Variants in GALNT17 observed in about 807,000 individuals in gnomAD.
GALNT17 encodes UDP-GalNAc:polypeptide N-acetylgalactosaminyltransferase-like 3.
Under a neutral mutation model 63.7 loss-of-function variants are expected in GALNT17, and 29 were observed. The observed-to-expected ratio is 0.46, with a 90% CI of 0.34 to 0.62. The LOEUF is 0.62. Among genes scored for constraint, GALNT17 ranks in the 20% least tolerant of loss-of-function variants. The pLI, the probability that GALNT17 is intolerant of heterozygous loss-of-function variation, is 0.01. For missense variants in GALNT17, 603 were observed against 799.6 expected, an observed-to-expected ratio of 0.75 and a Z score of 2.97; for synonymous variants, 305 against 318.3, an observed-to-expected ratio of 0.96 and a Z score of 0.45.
chr7:71,509,247 A>C (rs1048194804), intron 5 of GALNT17, among the ~76,000 whole-genome samples: 1 of 152,214 alleles, frequency 6.6e-6, no homozygotes, highest in African/African-American at 2.4e-5. Flanking sequence ...ACAGCCGGCT[A>C]ATGTAAGTGT....
intron 8 of GALNT17, among the ~76,000 whole-genome samples, chr7:71,670,850 C>T (rs374683178): frequency 7.3e-5 from 11 of 151,460 alleles, no homozygotes; most frequent in South Asian, 6.2e-4. Flanking sequence ...CCAGAGATAA[C>T]GTGTACACTT....
intron 6 of GALNT17, among the ~76,000 whole-genome samples, chr7:71,661,356 G>A (rs1790905015): frequency 6.6e-6 from 1 of 152,140 alleles, no homozygotes. Flanking sequence ...TGAGGGAGTT[G>A]GTTTTGGTGC....
At chr7:71,510,599 G>T (rs753641289) in intron 5 of GALNT17, among the ~76,000 whole-genome samples, 1 of 152,194 alleles carries the variant, frequency 6.6e-6, no homozygotes, top group Non-Finnish European at 1.5e-5. Context: ...GAAGCCAAGG[G>T]CTTCAGCAGG....
intron 2 of GALNT17, among the ~76,000 whole-genome samples, chr7:71,379,882 G>A (rs551169070): frequency 4.6e-5 from 7 of 152,190 alleles, no homozygotes; most frequent in African/African-American, 1.7e-4. Context: ...ACCCGTTTAT[G>A]AAGAGAGAAC....
chr7:71,407,324 G>A (rs117121197), intron 3 of GALNT17, among the ~76,000 whole-genome samples: 6,321 of 152,258 alleles, frequency 0.042, 184 homozygotes, highest in Non-Finnish European at 0.067. Context: ...CCCAGGGGAG[G>A]GGCAGGCCAG....
intron 1 of GALNT17, among the ~76,000 whole-genome samples, chr7:71,251,873 G>A (rs1250794905): frequency 6.6e-6 from 1 of 152,146 alleles, no homozygotes; most frequent in Admixed American, 6.5e-5. Context: ...CACATGCTGT[G>A]TGCACAAATC....
At chr7:71,253,828 G>T (rs1047664633) in intron 1 of GALNT17, among the ~76,000 whole-genome samples, 10 of 152,128 alleles carry the variant, frequency 6.6e-5, no homozygotes, top group African/African-American at 2.4e-4. Flanking sequence ...CCAAGGTTTT[G>T]GATACAGGAC....
intron 1 of GALNT17, among the ~76,000 whole-genome samples, chr7:71,251,087 A>G (rs555429385): frequency 2.0e-5 from 3 of 152,288 alleles, no homozygotes; most frequent in Admixed American, 6.5e-5. Flanking sequence ...GTACATATGT[A>G]TACATTCGCC....
chr7:71,274,702 T>A (rs997370677), intron 1 of GALNT17, among the ~76,000 whole-genome samples: 2 of 152,208 alleles, frequency 1.3e-5, no homozygotes, highest in African/African-American at 4.8e-5. Context: ...GCCCCCTGGC[T>A]GATTTTGGCA....
intron 1 of GALNT17, among the ~76,000 whole-genome samples, chr7:71,263,074 T>C (rs979996447): frequency 4.6e-5 from 7 of 152,098 alleles, no homozygotes; most frequent in Non-Finnish European, 1.0e-4. Flanking sequence ...AGACGGGCCA[T>C]CTGCAAACCA....
intron 2 of GALNT17, among the ~76,000 whole-genome samples, chr7:71,377,116 T>C (rs10950259): frequency 3.8e-5 from 2 of 53,214 alleles, no homozygotes; most frequent in African/African-American, 1.0e-4. Flanking sequence ...ATAAAAAAAA[T>C]ATATATATAT....
At chr7:71,592,521 TAAAATAA>T (rs1789818828) in intron 6 of GALNT17, among the ~76,000 whole-genome samples, 1 of 93,080 alleles carries the variant, frequency 1.1e-5, no homozygotes, top group African/African-American at 4.1e-5. Context: ...TAAAATAAAA[TAAAATAA>T]AATAAAATAA....
At chr7:71,247,244 A>T (rs1790115171) in intron 1 of GALNT17, among the ~76,000 whole-genome samples, 1 of 152,210 alleles carries the variant, frequency 6.6e-6, no homozygotes, top group Non-Finnish European at 1.5e-5. Flanking sequence ...ATAATTAAAG[A>T]AGTACTGGAG....
At chr7:71,699,850 G>A (rs537511) in intron 9 of GALNT17, among the ~76,000 whole-genome samples, 25,058 of 151,814 alleles carry the variant, frequency 0.17, 2,440 homozygotes, top group Non-Finnish European at 0.22. Flanking sequence ...GGAGGATCAC[G>A]TATGCGCAGG....
chr7:71,414,149 G>A (rs1793481929), intron 3 of GALNT17, among the ~76,000 whole-genome samples: 1 of 152,128 alleles, frequency 6.6e-6, no homozygotes, highest in Non-Finnish European at 1.5e-5. Context: ...GCTGAGGCAG[G>A]AGAATCACAT....
chr7:71,357,810 A>G (rs906195254), intron 2 of GALNT17, among the ~76,000 whole-genome samples: 10 of 152,162 alleles, frequency 6.6e-5, no homozygotes, highest in African/African-American at 1.9e-4. Flanking sequence ...AAATGCACCA[A>G]TCAGCGCCCT....
intron 5 of GALNT17, among the ~76,000 whole-genome samples, chr7:71,549,451 C>A (rs1789038611): frequency 6.6e-6 from 1 of 152,010 alleles, no homozygotes; most frequent in South Asian, 2.1e-4. Context: ...GCCTGTAGTC[C>A]CAGCTACTTA....
At chr7:71,423,781 G>T (rs1295786027) in intron 5 of GALNT17, among the ~76,000 whole-genome samples, 1 of 151,930 alleles carries the variant, frequency 6.6e-6, no homozygotes, top group South Asian at 2.1e-4. Context: ...AAATTAGCCG[G>T]GGTGGTGGTG....
intron 9 of GALNT17, among the ~76,000 whole-genome samples, chr7:71,681,009 C>T (rs1282266529): frequency 6.6e-6 from 1 of 151,998 alleles, no homozygotes; most frequent in Non-Finnish European, 1.5e-5. Flanking sequence ...AAGTGCTCCT[C>T]CTGCCTCAGC....
Sources: allele counts gnomAD v4.1 joint callset (sites outside exome capture counted in the v4.1 genomes callset), GRCh38; gene constraint gnomAD v4.1.1; transcripts MANE v1.5; gene names NCBI Gene and HGNC (gene_info 2026-07-23, HGNC 2026-07-21).